The following GAS7 variants were observed in gnomAD, a reference collection of about 807,000 sequenced individuals.
GAS7 encodes growth arrest specific 7.
In GAS7, 28 loss-of-function variants were observed where a neutral mutation model predicts 71.1. The observed-to-expected ratio is 0.39, with a 90% CI of 0.29 to 0.54. The LOEUF (loss-of-function observed/expected upper bound fraction) is 0.54, where lower values mean the gene tolerates loss of function less well. GAS7 is among the 20% of genes least tolerant of loss of function. The pLI is 0.62. For synonymous variants in GAS7, 258 were observed against 245.8 expected (o/e 1.05, Z -0.46); for missense variants, 436 against 627.8 (o/e 0.69, Z 3.27).
At chr17:10,087,755 G>C (rs752754194) in intron 1 of GAS7, among the ~76,000 whole-genome samples, 1 of 152,164 alleles carries the variant, frequency 6.6e-6, no homozygotes, top group East Asian at 1.9e-4. Context: ...TGAATTCCAA[G>C]GCCCTTCTCA....
intron 3 of GAS7, among the ~76,000 whole-genome samples, chr17:9,975,377 G>C (rs1567844338): frequency 2.0e-5 from 3 of 151,906 alleles, no homozygotes; most frequent in African/African-American, 7.3e-5. Flanking sequence ...AAAAAACAAA[G>C]TTGAGGAACC....
intron 1 of GAS7, among the ~76,000 whole-genome samples, chr17:10,072,324 C>A (rs548004222): frequency 1.3e-5 from 2 of 152,150 alleles, no homozygotes; most frequent in African/African-American, 4.8e-5. Context: ...GAAGACAAAC[C>A]CAGCACCCAG....
chr17:10,190,433 A>C (rs1325629733), intron 1 of GAS7, among the ~76,000 whole-genome samples: 1 of 151,852 alleles, frequency 6.6e-6, no homozygotes, highest in East Asian at 1.9e-4. Context: ...AAATACAAAA[A>C]TTAGCCGGGC....
chr17:10,036,193 G>T (rs2072746347), intron 1 of GAS7, among the ~76,000 whole-genome samples: 1 of 150,370 alleles, frequency 6.7e-6, no homozygotes, highest in Non-Finnish European at 1.5e-5. Context: ...CCTCCCATCC[G>T]CTTTTCCTGA....
intron 3 of GAS7, among the ~76,000 whole-genome samples, chr17:9,980,942 C>T (rs2070388876): frequency 6.6e-6 from 1 of 152,184 alleles, no homozygotes; most frequent in Non-Finnish European, 1.5e-5. Flanking sequence ...CTTCCAGAAT[C>T]TCAGACCTAG....
rs1387346608 is a variant in GAS7, at chr17:9,915,421, A to G, written c.*1807T>C. ...GTAGCTGGTGTCATGACCCAACCCC[A>G]GATCTGGACAGAGTGGTTCTCCATC... On this transcript the variant is annotated 3_prime_UTR_variant, in exon 14 of 14. Transcript: ENST00000432992. 4.3e-6 allele frequency: 1 copy of G among 230,260 alleles called. No homozygotes were observed. The highest frequency in any genetic ancestry group is 8.6e-6 in the Non-Finnish European group (1 of 115,976). 14.3% of individuals were successfully genotyped at this position (230,260 alleles called of 1,614,324 possible).
intron 1 of GAS7, among the ~76,000 whole-genome samples, chr17:10,061,996 C>T (rs2073225250): frequency 6.6e-6 from 1 of 152,158 alleles, no homozygotes; most frequent in South Asian, 2.1e-4. Flanking sequence ...AACAAAACAA[C>T]CATCCAACCC....
At chr17:10,136,766 G>GA (rs1363226834) in intron 1 of GAS7, among the ~76,000 whole-genome samples, 1 of 152,068 alleles carries the variant, frequency 6.6e-6, no homozygotes, top group Non-Finnish European at 1.5e-5. Flanking sequence ...TTCACGCTTA[G>GA]AAAAAAACAG....
Position 10,145,478 on chromosome 17 carries a change from G to A in GAS7, c.183+52730C>T, listed in dbSNP as rs565353656. 1.2e-4 allele frequency among the ~76,000 whole-genome samples: 18 copies of A among 152,334 alleles called. No homozygotes were observed. In the East Asian group the frequency reaches 3.5e-3, roughly 29 times the overall value. On this transcript the variant is annotated intron_variant, in intron 1 of 13. Transcript: ENST00000432992. ...TCTAGGAAGGAGGCAGTAGAGGCTTGGATGAAACCTTACAAGGCCCTAGAA... is the reference window on the plus strand; with the variant it reads ...TCTAGGAAGGAGGCAGTAGAGGCTTAGATGAAACCTTACAAGGCCCTAGAA...
Position 9,915,066 on chromosome 17 carries a change from A to G in GAS7, c.*2162T>C, listed in dbSNP as rs1031362751. 1 of 230,400 alleles carries G rather than the reference A, an allele frequency of 4.3e-6. No individual in the cohort carries two copies. The highest frequency in any genetic ancestry group is 5.7e-5 in the Admixed American group (1 of 17,666). 14.3% of individuals were successfully genotyped at this position (230,400 alleles called of 1,614,324 possible). ...AACAGAGGGAAGAAAGAAAGGAAGT[A>G]CGTGAAGGGGGTAAAGAGAAGGAGG... On this transcript the variant is annotated 3_prime_UTR_variant, in exon 14 of 14. Transcript: ENST00000432992.
chr17:10,002,763 G>C (rs1241209930), intron 2 of GAS7, among the ~76,000 whole-genome samples: 1 of 152,196 alleles, frequency 6.6e-6, no homozygotes, highest in Non-Finnish European at 1.5e-5. Context: ...TGGCTGCATA[G>C]TATTCCATGG....
Position 10,078,079 on chromosome 17 carries a change from GTTTTGTTT to G in GAS7, c.184-58190_184-58183del, listed in dbSNP as rs777492186. On this transcript the variant is annotated intron_variant, in intron 1 of 13. Transcript: ENST00000432992. ...TGTGTGTGTGTGTGTGTGTGTGTGT[GTTTTGTTT>G]TGTTTTGTTTTGTTTTGTTTTGGAG... Among the ~76,000 whole-genome samples the G allele has an allele frequency of 9.9e-3, 1,331 of 134,674 alleles. 37 individuals carry two copies. Among genetic ancestry groups the G allele is most frequent in the Admixed American group, 0.062 (824 of 13,270 alleles). The allele number at this position is 134,674 out of a possible 152,430, so 88.4% of individuals were successfully genotyped here. A position where few individuals can be genotyped will look rare whatever the true frequency, so the allele number is the denominator to read the frequency against.
Position 10,150,068 on chromosome 17 carries a change from A to G in GAS7, c.183+48140T>C, listed in dbSNP as rs74416489. Among the ~76,000 whole-genome samples, 151 of 152,332 alleles carry G rather than the reference A, an allele frequency of 9.9e-4. 1 individual carries two copies. The East Asian group carries it at 0.027, about 27-fold the overall frequency. ...CTACACAGTGAATATACTATAAACC[A>G]CTGAACTGTATACTGTAGAGAGCTG... On this transcript the variant is annotated intron_variant, in intron 1 of 13. Coordinates refer to ENST00000432992, the MANE Select transcript of GAS7 (RefSeq NM_201433.2).
intron 1 of GAS7, among the ~76,000 whole-genome samples, chr17:10,179,674 G>GTCT (rs922692746): frequency 6.6e-6 from 1 of 152,132 alleles, no homozygotes; most frequent in African/African-American, 2.4e-5. Flanking sequence ...GGGCAAAAAT[G>GTCT]TCTTCAATGA....
chr17:10,094,719 C>T (rs947246529), intron 1 of GAS7, among the ~76,000 whole-genome samples: 4 of 152,106 alleles, frequency 2.6e-5, no homozygotes, highest in African/African-American at 9.7e-5. Context: ...CCGCCCGCCT[C>T]GGCCTCCCAA....
intron 1 of GAS7, among the ~76,000 whole-genome samples, chr17:10,162,897 T>C (rs923583094): frequency 3.3e-5 from 5 of 151,980 alleles, no homozygotes; most frequent in Non-Finnish European, 5.9e-5. Flanking sequence ...TTTTGCAAAA[T>C]GAAAAAGGCT....
chr17:10,005,511 T>A (rs1490770776), intron 2 of GAS7, among the ~76,000 whole-genome samples: 1 of 142,724 alleles, frequency 7.0e-6, no homozygotes, highest in Non-Finnish European at 1.5e-5. Flanking sequence ...TTAAAAAAAA[T>A]GGCAGGTAGT....
At chr17:10,147,045 T>G (rs2074127238) in intron 1 of GAS7, among the ~76,000 whole-genome samples, 2 of 152,012 alleles carry the variant, frequency 1.3e-5, no homozygotes, top group Non-Finnish European at 1.5e-5. Flanking sequence ...TGTACTCCTG[T>G]GGGCATTCGA....
At chr17:9,954,711 G>A (rs1261506268) in intron 5 of GAS7, among the ~76,000 whole-genome samples, 1 of 152,116 alleles carries the variant, frequency 6.6e-6, no homozygotes, top group Non-Finnish European at 1.5e-5. Flanking sequence ...TGGTTGGTAG[G>A]GGCCAGGGAA....
Sources: gnomAD v4.1 joint callset for allele counts (sites outside exome capture counted in the v4.1 genomes callset) on GRCh38, gnomAD v4.1.1 for gene constraint, MANE v1.5 for transcripts, NCBI Gene and HGNC (gene_info 2026-07-23, HGNC 2026-07-21) for gene names.